The following EPG5 variants were observed in gnomAD, a reference collection of about 807,000 sequenced individuals.
The protein encoded by EPG5 is ectopic P granules protein 5 homolog.
Under a neutral mutation model 302.7 loss-of-function variants are expected in EPG5, and 159 were observed. That is an observed-to-expected ratio of 0.53 (90% CI 0.46 to 0.60). The LOEUF (loss-of-function observed/expected upper bound fraction) is 0.60. EPG5 is among the 20% of genes least tolerant of loss of function. The pLI, the probability that EPG5 is intolerant of heterozygous loss-of-function variation, is 0.00. For missense variants in EPG5, 2,896 were observed against 3,092.4 expected, an observed-to-expected ratio of 0.94 and a Z score of 1.51; for synonymous variants, 1,158 against 1,136.8, an observed-to-expected ratio of 1.02 and a Z score of -0.37.
chr18:45,854,108 G>A (rs902768207), intron 43 of EPG5, among the ~76,000 whole-genome samples: 23 of 152,298 alleles, frequency 1.5e-4, no homozygotes, highest in Middle Eastern at 3.4e-3. Context: ...CACAGGAGAC[G>A]TAGTCTTCTC....
intron 13 of EPG5, among the ~76,000 whole-genome samples, chr18:45,927,393 T>C (rs1285026679): frequency 2.6e-5 from 4 of 152,160 alleles, no homozygotes; most frequent in Admixed American, 6.5e-5. Context: ...TGGAAAACAG[T>C]ATGATGGCTC....
chr18:45,899,011 G>C (rs1471636424), intron 27 of EPG5, among the ~76,000 whole-genome samples: 3 of 152,120 alleles, frequency 2.0e-5, no homozygotes, highest in African/African-American at 7.2e-5. Context: ...TGTAATCCCA[G>C]CTACTCGGGA....
At position 45,882,485 on chromosome 18, in the gene EPG5, G is replaced by T. The variant is rs369940983; in HGVS notation, c.5307C>A (p.Phe1769Leu). 1.3e-6 allele frequency: 2 copies of T among 1,597,564 alleles called. No homozygotes were observed. Among genetic ancestry groups the T allele is most frequent in the Non-Finnish European group, 1.7e-6 (2 of 1,173,218 alleles). Residue 1769 changes from phenylalanine (F) to leucine (L), a missense_variant and splice_region_variant, in exon 31 of 44, where the codon TTC becomes TTA. By Grantham distance (22) the Phe-to-Leu change is conservative. Around this residue, in one of 5 missense-constraint regions of EPG5, gnomAD observed 790 missense variants for 798.0 expected, o/e 0.99. Transcript: ENST00000282041. ...TGGCGCTTAACCATTGTTTAAGATC[G>T]AACTAAAAAGAAAAAGAAACAAAAA... ...SDMIFMLLTK[F>L]DLKQWLSATK...
intron 27 of EPG5, among the ~76,000 whole-genome samples, chr18:45,898,559 AC>A (rs2049531694): frequency 6.6e-6 from 1 of 152,208 alleles, no homozygotes; most frequent in Non-Finnish European, 1.5e-5. Context: ...AGTTTCAGTC[AC>A]ATTGTTGCAT....
intron 27 of EPG5, among the ~76,000 whole-genome samples, chr18:45,891,498 CAAA>C (rs763632848): frequency 7.9e-5 from 4 of 50,364 alleles, no homozygotes; most frequent in Admixed American, 1.8e-4. Context: ...GACTCCGTCT[CAAA>C]AAAAAAAAAA....
intron 28 of EPG5, 62 bp from the exon 29 acceptor site, chr18:45,887,969 T>G (rs2049255022): frequency 1.6e-6 from 2 of 1,247,624 alleles, no homozygotes; most frequent in Admixed American, 2.7e-5. Context: ...CACAAGGCCT[T>G]CTTTGATACC....
chr18:45,957,551 T>C (rs2051058984), intron 1 of EPG5, among the ~76,000 whole-genome samples: 1 of 152,248 alleles, frequency 6.6e-6, no homozygotes, highest in Non-Finnish European at 1.5e-5. Flanking sequence ...AAATGGTTAC[T>C]ACGGCAAGAG....
At chr18:45,894,477 T>TA (rs2049425274) in intron 27 of EPG5, among the ~76,000 whole-genome samples, 2 of 151,602 alleles carry the variant, frequency 1.3e-5, no homozygotes, top group African/African-American at 4.9e-5. Flanking sequence ...ATAATAATAA[T>TA]ATTAAAAACA....
intron 36 of EPG5, 123 bp from the exon 37 acceptor site, chr18:45,867,871 AG>A: frequency 1.3e-6 from 1 of 780,194 alleles, no homozygotes. Context: ...TATATCACTT[AG>A]AATCCCACCT....
rs1226386110 is a variant in EPG5, at chr18:45,904,020, G to A, written c.4427C>T (p.Thr1476Ile). The stretch of plus-strand genomic sequence containing the variant: ...CAGCTGCACGGACAAACTGCAGGGT[G>A]TGGAATGGGACTCAAGCTTGGCCTG... ...WTQAKLESHS[T>I]PCSLSVQLDF... The change falls in exon 25 of 44, where the codon ACA becomes ATA. Residue 1476 changes from threonine to isoleucine, a missense_variant. Coordinates refer to ENST00000282041, the MANE Select transcript of EPG5 (RefSeq NM_020964.3). 1.9e-6 allele frequency: 3 copies of A among 1,612,984 alleles called. No individual in the cohort carries two copies. Among genetic ancestry groups the A allele is most frequent in the Non-Finnish European group, 2.5e-6 (3 of 1,179,882 alleles).
intron 35 of EPG5, among the ~76,000 whole-genome samples, chr18:45,874,157 CT>C (rs2048924644): frequency 6.6e-6 from 1 of 152,178 alleles, no homozygotes; most frequent in Non-Finnish European, 1.5e-5. Context: ...AAATCATGGA[CT>C]TTCATTGATA....
In EPG5 at chr18:45,849,584, A is replaced by G. The variant is rs2048398815; in HGVS notation, c.*2883T>C. On this transcript the variant is annotated 3_prime_UTR_variant, in exon 44 of 44. Coordinates refer to ENST00000282041, the MANE Select transcript of EPG5 (RefSeq NM_020964.3). ...CTCTTGGCTTGTATGACATGTACACACTGATTTTGATGATGAACTGAGAGG... is the reference window on the plus strand; with the variant it reads ...CTCTTGGCTTGTATGACATGTACACGCTGATTTTGATGATGAACTGAGAGG... 1 of 152,246 alleles carries G rather than the reference A, an allele frequency of 6.6e-6. No individual in the cohort carries two copies. The highest frequency in any genetic ancestry group is 1.5e-5 in the Non-Finnish European group (1 of 68,064). The allele number at this position is 152,246 out of a possible 1,614,324, so 9.4% of individuals were successfully genotyped here. A position where few individuals can be genotyped will look rare whatever the true frequency, so the allele number is the denominator to read the frequency against.
the EPG5 span, among the ~76,000 whole-genome samples, chr18:45,803,325 A>G: frequency 6.6e-6 from 1 of 152,314 alleles, no homozygotes; most frequent in East Asian, 1.9e-4. Flanking sequence ...CTTCCTGCCA[A>G]TAACAACTAT....
chr18:45,808,309 G>A, the EPG5 span, among the ~76,000 whole-genome samples: 2 of 152,248 alleles, frequency 1.3e-5, no homozygotes, highest in East Asian at 3.9e-4. Context: ...CCTATTTGGG[G>A]GAATAATCAA....
At chr18:45,938,207 T>A (rs2050580138) in intron 10 of EPG5, among the ~76,000 whole-genome samples, 3 of 152,142 alleles carry the variant, frequency 2.0e-5, no homozygotes, top group Non-Finnish European at 4.4e-5. Context: ...ATGTCTGTAA[T>A]CACAGCACTT....
chr18:45,831,061 C>T, the EPG5 span, among the ~76,000 whole-genome samples: 1 of 152,160 alleles, frequency 6.6e-6, no homozygotes, highest in Non-Finnish European at 1.5e-5. Context: ...GCAACTTGCC[C>T]AATGTCCCAA....
chr18:45,857,698 GCT>G (rs1436724102), intron 42 of EPG5, 153 bp downstream of exon 42: 39 of 603,768 alleles, frequency 6.5e-5, no homozygotes, highest in Middle Eastern at 9.0e-4. Flanking sequence ...ATGTAATCAG[GCT>G]CTGTTTTTTT....
At chr18:45,819,052 A>G in the EPG5 span, among the ~76,000 whole-genome samples, 1 of 152,102 alleles carries the variant, frequency 6.6e-6, no homozygotes, top group African/African-American at 2.4e-5. Flanking sequence ...TAAATAGTCA[A>G]GTTTTAAAGC....
At chr18:45,821,849 T>C in the EPG5 span, among the ~76,000 whole-genome samples, 1 of 152,220 alleles carries the variant, frequency 6.6e-6, no homozygotes. Context: ...AACAGGTATA[T>C]GAACAAATGC....
Sources: allele counts gnomAD v4.1 joint callset (sites outside exome capture counted in the v4.1 genomes callset), GRCh38; gene constraint gnomAD v4.1.1; regional missense constraint gnomAD v4.1.1; transcripts MANE v1.5; gene names NCBI Gene and HGNC (gene_info 2026-07-23, HGNC 2026-07-21).